The following TRAPPC9 variants were observed in gnomAD, a reference collection of about 807,000 sequenced individuals.
The protein encoded by TRAPPC9 is IKK2 binding protein.
Under a neutral mutation model 124.0 loss-of-function variants are expected in TRAPPC9, and 83 were observed. The observed-to-expected ratio is 0.67, with a 90% CI of 0.56 to 0.80. TRAPPC9 has a LOEUF of 0.80. Ranked by LOEUF, TRAPPC9 falls within the 30% of genes least tolerant of loss-of-function variation. The pLI, the probability that TRAPPC9 is intolerant of heterozygous loss-of-function variation, is 0.00. For missense variants in TRAPPC9, 1,302 were observed against 1,508.3 expected (o/e 0.86, Z 2.27); for synonymous variants, 638 against 617.5 (o/e 1.03, Z -0.49).
chr8:140,122,623 A>T (rs1563777577), intron 17 of TRAPPC9, among the ~76,000 whole-genome samples: 1 of 152,214 alleles, frequency 6.6e-6, no homozygotes, highest in African/African-American at 2.4e-5. Context: ...TGAGAATTAA[A>T]TTTTTTTAAG....
intron 17 of TRAPPC9, among the ~76,000 whole-genome samples, chr8:140,165,933 G>A (rs796652558): frequency 1.3e-5 from 2 of 152,068 alleles, no homozygotes; most frequent in Admixed American, 1.3e-4. Flanking sequence ...CTCTGCTCAC[G>A]CTGCTGCCTC....
At chr8:140,435,086 G>A in intron 4 of TRAPPC9, 26 bp downstream of exon 4, 1 of 1,614,136 alleles carries the variant, frequency 6.2e-7, no homozygotes, top group Non-Finnish European at 8.5e-7. Context: ...CAAGTGAGCA[G>A]AGGCCGGAAA....
At chr8:140,265,446 A>C (rs2064609003) in intron 15 of TRAPPC9, among the ~76,000 whole-genome samples, 1 of 152,178 alleles carries the variant, frequency 6.6e-6, no homozygotes, top group African/African-American at 2.4e-5. Context: ...CACAGTGCAG[A>C]GATGATTTTT....
chr8:140,311,241 A>G lies in TRAPPC9; in HGVS notation c.1622+7T>C, dbSNP rs753002891. On this transcript the variant is annotated splice_region_variant and intron_variant, in intron 10 of 22. Coordinates refer to ENST00000438773, the MANE Select transcript of TRAPPC9 (RefSeq NM_001160372.4). ...CTGCCTTTCCGGCTCTGCAGTGCCC[A>G]TCTCACCTGACGATGGGAAGCTTGG... 4.3e-6 allele frequency: 7 copies of G among 1,609,812 alleles called. No homozygotes were observed. The East Asian group carries it at 6.7e-5, about 15-fold the overall frequency.
At chr8:140,312,994 A>G (rs939914212) in intron 9 of TRAPPC9, among the ~76,000 whole-genome samples, 2 of 152,150 alleles carry the variant, frequency 1.3e-5, no homozygotes, top group African/African-American at 4.8e-5. Flanking sequence ...TCCTGGGCTC[A>G]AGTGATCCCC....
intron 21 of TRAPPC9, among the ~76,000 whole-genome samples, chr8:139,753,200 T>C (rs530746470): frequency 7.1e-6 from 1 of 141,014 alleles, no homozygotes; most frequent in South Asian, 2.5e-4. Context: ...CATGCATCCA[T>C]TCACCCATCT....
At chr8:140,371,275 C>T in intron 7 of TRAPPC9, 95 bp from the exon 8 acceptor site, 1 of 1,252,958 alleles carries the variant, frequency 8.0e-7, no homozygotes, top group South Asian at 1.3e-5. Flanking sequence ...AAACAAAGAC[C>T]TGAGGAGAAT....
chr8:139,964,559 C>A (rs1253211237), intron 19 of TRAPPC9, among the ~76,000 whole-genome samples: 1 of 152,194 alleles, frequency 6.6e-6, no homozygotes, highest in Non-Finnish European at 1.5e-5. Context: ...TGAGGCAGGG[C>A]ATCAGGGCTT....
At chr8:140,217,084 G>A (rs1389477754) in intron 17 of TRAPPC9, among the ~76,000 whole-genome samples, 1 of 152,160 alleles carries the variant, frequency 6.6e-6, no homozygotes, top group African/African-American at 2.4e-5. Context: ...CAACCCCGGG[G>A]CACCGTAACT....
At chr8:140,455,235 C>T in intron 1 of TRAPPC9, among the ~76,000 whole-genome samples, 1 of 151,058 alleles carries the variant, frequency 6.6e-6, no homozygotes, top group South Asian at 2.1e-4. Flanking sequence ...CAGGTTCAAG[C>T]GATTCTCATG....
At chr8:139,775,403 C>T (rs1022438308) in intron 21 of TRAPPC9, among the ~76,000 whole-genome samples, 3 of 152,228 alleles carry the variant, frequency 2.0e-5, no homozygotes, top group Admixed American at 6.5e-5. Context: ...TCCCTTTGCA[C>T]AGGCTGATAA....
intron 21 of TRAPPC9, among the ~76,000 whole-genome samples, chr8:139,843,874 T>G (rs1458328898): frequency 6.6e-6 from 1 of 152,240 alleles, no homozygotes; most frequent in Non-Finnish European, 1.5e-5. Flanking sequence ...TAAGCCACCA[T>G]GTGCACGCTG....
chr8:140,175,322 T>C (rs2130971929), intron 17 of TRAPPC9, among the ~76,000 whole-genome samples: 1 of 151,710 alleles, frequency 6.6e-6, no homozygotes, highest in South Asian at 2.1e-4. Flanking sequence ...ATTATTTCTT[T>C]GAGGGAAAGG....
intron 21 of TRAPPC9, among the ~76,000 whole-genome samples, chr8:139,821,400 G>A (rs1049027417): frequency 1.3e-5 from 2 of 152,230 alleles, no homozygotes; most frequent in Non-Finnish European, 2.9e-5. Context: ...CTGGTACTTG[G>A]AGAGTATGCT....
intron 16 of TRAPPC9, among the ~76,000 whole-genome samples, chr8:140,227,094 G>A (rs766093450): frequency 1.6e-4 from 25 of 152,132 alleles, no homozygotes; most frequent in Non-Finnish European, 2.9e-4. Context: ...GCCAGCCTTC[G>A]GAAAACTGAA....
chr8:140,161,249 C>T (rs2061746098), intron 17 of TRAPPC9, among the ~76,000 whole-genome samples: 1 of 152,124 alleles, frequency 6.6e-6, no homozygotes, highest in African/African-American at 2.4e-5. Flanking sequence ...GTAACTCTCA[C>T]CCCAATTTTA....
intron 17 of TRAPPC9, among the ~76,000 whole-genome samples, chr8:140,093,029 A>AG (rs566040689): frequency 9.7e-6 from 1 of 103,402 alleles, no homozygotes; most frequent in African/African-American, 4.6e-5. Flanking sequence ...TATCTGAATG[A>AG]AAAAAAAAAA....
intron 17 of TRAPPC9, among the ~76,000 whole-genome samples, chr8:140,152,937 C>T (rs2061570665): frequency 6.6e-6 from 1 of 152,186 alleles, no homozygotes; most frequent in African/African-American, 2.4e-5. Flanking sequence ...CAGGAGTGGA[C>T]ATTCCTATCT....
At chr8:139,936,439 C>G (rs1012174624) in intron 19 of TRAPPC9, among the ~76,000 whole-genome samples, 15 of 152,140 alleles carry the variant, frequency 9.9e-5, no homozygotes, top group Non-Finnish European at 2.1e-4. Flanking sequence ...AGGTCGACAC[C>G]TATATGCGGA....
Sources: gnomAD v4.1 joint callset for allele counts (sites outside exome capture counted in the v4.1 genomes callset) on GRCh38, gnomAD v4.1.1 for gene constraint, MANE v1.5 for transcripts, NCBI Gene and HGNC (gene_info 2026-07-23, HGNC 2026-07-21) for gene names.